LARS2: variants seen among roughly 807,000 people sequenced by gnomAD.
LARS2 encodes leucine--tRNA ligase, mitochondrial.
LARS2 carries 81 observed loss-of-function variants against 116.6 expected under a neutral mutation model. That is an observed-to-expected ratio of 0.69 (90% CI 0.58 to 0.84). LARS2 has a LOEUF of 0.84. Among genes scored for constraint, LARS2 ranks in the 40% least tolerant of loss-of-function variants. LARS2 has a pLI of 0.00. For missense variants in LARS2, 968 were observed against 1,114.5 expected, an observed-to-expected ratio of 0.87 and a Z score of 1.87; for synonymous variants, 396 against 407.2, an observed-to-expected ratio of 0.97 and a Z score of 0.33.
At chr3:45,469,987 G>T (rs1345628322) in intron 8 of LARS2, among the ~76,000 whole-genome samples, 1 of 152,098 alleles carries the variant, frequency 6.6e-6, no homozygotes, top group Non-Finnish European at 1.5e-5. Flanking sequence ...GTTCAATCTT[G>T]TGTCTTCCAT....
intron 7 of LARS2, among the ~76,000 whole-genome samples, chr3:45,450,398 C>A (rs1371345836): frequency 6.6e-6 from 1 of 152,158 alleles, no homozygotes; most frequent in Non-Finnish European, 1.5e-5. Context: ...CCCGCTCTCT[C>A]CCCTTCCTTT....
At chr3:45,473,274 A>T (rs557178352) in intron 8 of LARS2, among the ~76,000 whole-genome samples, 2 of 152,338 alleles carry the variant, frequency 1.3e-5, no homozygotes, top group Admixed American at 1.3e-4. Context: ...ATGGGTGATC[A>T]TATAAGTATA....
intron 20 of LARS2, among the ~76,000 whole-genome samples, chr3:45,530,345 C>T (rs1264461629): frequency 1.3e-5 from 2 of 152,092 alleles, no homozygotes; most frequent in African/African-American, 4.8e-5. Flanking sequence ...CATGGTGAAA[C>T]CCCATCTCTA....
chr3:45,515,192 T>A (rs1238199545), intron 16 of LARS2, among the ~76,000 whole-genome samples: 1 of 152,214 alleles, frequency 6.6e-6, no homozygotes, highest in Admixed American at 6.5e-5. Flanking sequence ...CTTCTCTCTT[T>A]CTCAGCTCTC....
intron 14 of LARS2, among the ~76,000 whole-genome samples, chr3:45,497,258 G>T (rs1700028702): frequency 2.0e-5 from 3 of 151,804 alleles, no homozygotes; most frequent in Non-Finnish European, 4.4e-5. Flanking sequence ...GTACCATTTT[G>T]ATTTTTAAGC....
chr3:45,539,889 G>GTGA (rs1277643387), intron 20 of LARS2, among the ~76,000 whole-genome samples: 1 of 43,148 alleles, frequency 2.3e-5, no homozygotes, highest in Non-Finnish European at 1.1e-4. Context: ...GCATGATCTT[G>GTGA]TGGTGGTGGT....
intron 15 of LARS2, among the ~76,000 whole-genome samples, chr3:45,506,498 T>A (rs149098033): frequency 9.9e-5 from 15 of 152,230 alleles, no homozygotes; most frequent in East Asian, 7.7e-4. Context: ...TCTGTATAAA[T>A]CAGGATTTCC....
chr3:45,414,571 CA>C (rs761498286), intron 4 of LARS2, among the ~76,000 whole-genome samples: 64 of 152,092 alleles, frequency 4.2e-4, no homozygotes, highest in Middle Eastern at 3.4e-3. Context: ...TCTGCATGAT[CA>C]AAAAGCAAAG....
chr3:45,415,847 C>CAAAAA (rs386396517), intron 4 of LARS2, among the ~76,000 whole-genome samples: 66 of 90,468 alleles, frequency 7.3e-4, no homozygotes, highest in African/African-American at 2.7e-3. Flanking sequence ...GACTCCATCT[C>CAAAAA]AAAAAAAAAA....
chr3:45,476,376 TGAG>T (rs1699608885), intron 9 of LARS2, 89 bp from the exon 10 acceptor site: 4 of 1,331,796 alleles, frequency 3.0e-6, no homozygotes, highest in Non-Finnish European at 3.2e-6. Flanking sequence ...TGTTGGGGAA[TGAG>T]GAGGGAAGGG....
intron 6 of LARS2, among the ~76,000 whole-genome samples, chr3:45,429,570 A>G (rs193114206): frequency 7.7e-4 from 117 of 152,220 alleles, no homozygotes; most frequent in African/African-American, 2.7e-3. Flanking sequence ...TGGATAATTT[A>G]GGATACCCTT....
At position 45,475,489 on chromosome 3, in the gene LARS2, T is replaced by C. The variant is rs147356366; in HGVS notation, c.859-979T>C. Among the ~76,000 whole-genome samples the C allele has an allele frequency of 3.2e-3, 480 of 152,362 alleles. 1 individual carries two copies. The highest frequency in any genetic ancestry group is 0.011 in the African/African-American group (460 of 41,584). ...TGTTTAAATCTGCAAGGCCATCTCT[T>C]TCAGGGCCTTTGCATTTGCCTGAGT... On this transcript the variant is annotated intron_variant, in intron 9 of 21. Transcript: ENST00000645846.
intron 6 of LARS2, among the ~76,000 whole-genome samples, chr3:45,445,949 C>G (rs1344314854): frequency 6.6e-6 from 1 of 152,132 alleles, no homozygotes; most frequent in African/African-American, 2.4e-5. Context: ...TGGCACACAC[C>G]TGTAGTCCCA....
intron 20 of LARS2, among the ~76,000 whole-genome samples, chr3:45,534,896 C>T (rs1455428914): frequency 6.6e-6 from 1 of 152,172 alleles, no homozygotes; most frequent in East Asian, 1.9e-4. Flanking sequence ...AAGCTAAAGA[C>T]ACCACATCTG....
chr3:45,437,317 AG>A (rs1265996963), intron 6 of LARS2, among the ~76,000 whole-genome samples: 1 of 152,234 alleles, frequency 6.6e-6, no homozygotes, highest in Non-Finnish European at 1.5e-5. Context: ...GTTAGTCCTA[AG>A]ATAAAGGAAC....
Position 45,524,088 on chromosome 3 carries a change from T to G in LARS2, c.2384T>G (p.Val795Gly). The change falls in exon 20 of 22, where the codon GTA (valine) becomes GGA (glycine). Residue 795 changes from valine to glycine, a missense_variant. Transcript: ENST00000645846. ...MVMAAPLAPH[V>G]TSEIWAGLAL... ...ATGGCTGCTCCACTGGCCCCTCATG[T>G]AACCTCAGAGATCTGGGCAGGTACG... 2 of 1,612,370 alleles carry G rather than the reference T, an allele frequency of 1.2e-6. No individual in the cohort carries two copies. Among genetic ancestry groups the G allele is most frequent in the Non-Finnish European group, 1.7e-6 (2 of 1,178,328 alleles).
intron 4 of LARS2, among the ~76,000 whole-genome samples, chr3:45,402,662 C>G (rs536633361): frequency 6.6e-6 from 1 of 152,196 alleles, no homozygotes; most frequent in Non-Finnish European, 1.5e-5. Context: ...ATGTCTTTGT[C>G]ACTTGAAGAG....
rs17639812 is a variant in LARS2 at position 45,495,496 on chromosome 3, T to C, written c.1524-779T>C. The C allele has an allele frequency of 0.25, 38,261 of 152,208 alleles. 6,130 individuals carry two copies. The highest frequency in any genetic ancestry group is 0.34 in the Non-Finnish European group (23,071 of 67,978). 9.4% of individuals were successfully genotyped at this position (152,208 alleles called of 1,614,324 possible). The stretch of plus-strand genomic sequence containing the variant: ...TCCTCGAGTCATCCTGGTAGATTTC[T>C]GCACCTGTCACCCCAGAACAGAAGT... On this transcript the variant is annotated intron_variant, in intron 13 of 21. Transcript: ENST00000645846.
chr3:45,454,214 G>C (rs965209012), intron 7 of LARS2, among the ~76,000 whole-genome samples: 1 of 152,166 alleles, frequency 6.6e-6, no homozygotes, highest in Non-Finnish European at 1.5e-5. Flanking sequence ...GGAGCCCAAA[G>C]TCACCTACAC....
Sources: gnomAD v4.1 joint callset for allele counts (sites outside exome capture counted in the v4.1 genomes callset) on GRCh38, gnomAD v4.1.1 for gene constraint, MANE v1.5 for transcripts, NCBI Gene and HGNC (gene_info 2026-07-23, HGNC 2026-07-21) for gene names.